PSMC1: variants seen among roughly 807,000 people sequenced by gnomAD.
PSMC1 encodes the protein 26S proteasome regulatory subunit 4.
A neutral mutation model predicts 49.8 loss-of-function variants in PSMC1; 5 were observed. The ratio of observed to expected loss-of-function variants is 0.10; its 90% CI spans 0.05 to 0.21. The LOEUF (loss-of-function observed/expected upper bound fraction) is 0.21. Ranked by LOEUF, PSMC1 falls within the 10% of genes least tolerant of loss-of-function variation. PSMC1 has a pLI of 1.00. For synonymous variants in PSMC1, 155 were observed against 192.1 expected (o/e 0.81, Z 1.60); for missense variants, 181 against 535.7 (o/e 0.34, Z 6.54).
chr14:90,261,337 C>G (rs887941002), intron 3 of PSMC1, among the ~76,000 whole-genome samples: 4 of 152,176 alleles, frequency 2.6e-5, no homozygotes, highest in Non-Finnish European at 5.9e-5. Context: ...AGAAGAAATA[C>G]TTAAACTACT....
rs1230553438 is a variant in PSMC1, at chr14:90,272,213, AT to A, written c.1189-58del. 9 of 1,582,834 alleles carry A rather than the reference AT, an allele frequency of 5.7e-6. No homozygotes were observed. Among genetic ancestry groups the A allele is most frequent in the Non-Finnish European group, 7.7e-6 (9 of 1,168,788 alleles). ...CTGGCCTCAGAATAGGTTTTTTGGA[AT>A]TCCTTGTTAGAATAAAAATGAGTAT... On this transcript the variant is annotated intron_variant, in intron 10 of 10. Transcript: ENST00000261303. This position sits in a 1 kb window ranked among gnomAD's most constrained non-coding sequence, Gnocchi z 4.5.
chr14:90,264,466 T>A (rs957760991), intron 6 of PSMC1, among the ~76,000 whole-genome samples: 4 of 152,248 alleles, frequency 2.6e-5, no homozygotes, highest in African/African-American at 9.6e-5. Flanking sequence ...CAGTTGTGTT[T>A]ATCTGGAAGC....
chr14:90,272,575 G>T lies in PSMC1; in HGVS notation c.*168G>T, dbSNP rs984547396. ...GTAAGTGCCCATTGGGTGGCCTGTTGGTCACTGTGCAGCAGTCTGCTTCCC... is the reference window on the plus strand; with the variant it reads ...GTAAGTGCCCATTGGGTGGCCTGTTTGTCACTGTGCAGCAGTCTGCTTCCC... On this transcript the variant is annotated 3_prime_UTR_variant, in exon 11 of 11. Transcript: ENST00000261303. The surrounding 1 kb of genome is among the most constrained non-coding windows in gnomAD (Gnocchi z 4.5). The T allele has an allele frequency of 3.7e-5, 21 of 567,322 alleles. No homozygotes were observed. The South Asian group carries it at 4.7e-4, about 13-fold the overall frequency. 35.1% of individuals were successfully genotyped at this position (567,322 alleles called of 1,614,324 possible).
chr14:90,267,885 C>A, intron 7 of PSMC1: 2 of 200,572 alleles, frequency 1.0e-5, no homozygotes, highest in Non-Finnish European at 2.0e-5. Context: ...TATTTCATTA[C>A]TGGAATGAAG....
intron 2 of PSMC1, 106 bp downstream of exon 2, chr14:90,259,319 A>T: frequency 9.4e-7 from 1 of 1,065,298 alleles, no homozygotes; most frequent in Admixed American, 2.2e-5. Flanking sequence ...AAGTAGAATG[A>T]TCCAGTAGTT....
Position 90,274,363 on chromosome 14 carries a change from G to GGGA in PSMC1, c.*1959_*1961dup, listed in dbSNP as rs944831438. 13 of 155,436 alleles carry GGGA rather than the reference G, an allele frequency of 8.4e-5. No homozygotes were observed. Among genetic ancestry groups the GGGA allele is most frequent in the Middle Eastern group, 1.1e-3 (2 of 1,838 alleles). 9.6% of individuals were successfully genotyped at this position (155,436 alleles called of 1,614,324 possible). A position where few individuals can be genotyped will look rare whatever the true frequency, so the allele number is the denominator to read the frequency against. Reference sequence around the variant, plus strand: ...GCAGGGACGGGGTGGTGGCAGGGGAGGGAGGCTGCTTATGTATGGAGGCAG... The same window carrying GGGA: ...GCAGGGACGGGGTGGTGGCAGGGGAGGGAGGAGGCTGCTTATGTATGGAGGCAG... On this transcript the variant is annotated 3_prime_UTR_variant, in exon 11 of 11. Coordinates refer to ENST00000261303, the MANE Select transcript of PSMC1 (RefSeq NM_002802.3).
chr14:90,261,745 G>A lies in PSMC1; in HGVS notation c.154+1534G>A, dbSNP rs1023240437. Among the ~76,000 whole-genome samples the A allele has an allele frequency of 4.0e-5, 6 of 151,856 alleles. No homozygotes were observed. In the East Asian group the frequency reaches 1.2e-3, roughly 29 times the overall value. ...CAACCATTGTGGAAGACAGTGTGGC[G>A]ATTCCTCAAGGATCTAGAACTAGAA... is the stretch of plus-strand genomic sequence containing the variant. On this transcript the variant is annotated intron_variant, in intron 3 of 10. Transcript: ENST00000261303.
chr14:90,259,789 T>C (rs933808778), intron 2 of PSMC1, among the ~76,000 whole-genome samples: 1 of 151,846 alleles, frequency 6.6e-6, no homozygotes, highest in Non-Finnish European at 1.5e-5. Context: ...ACCCGGCTAA[T>C]TTTTGTATTT....
At chr14:90,265,688 C>CAAAAAAAAAA (rs35151204) in intron 7 of PSMC1, among the ~76,000 whole-genome samples, 24 of 94,106 alleles carry the variant, frequency 2.6e-4, no homozygotes, top group African/African-American at 1.1e-3. Context: ...GACTACATCT[C>CAAAAAAAAAA]AAAAAAAAAA....
intron 3 of PSMC1, among the ~76,000 whole-genome samples, chr14:90,263,029 T>G (rs1276032496): frequency 6.6e-6 from 1 of 152,212 alleles, no homozygotes; most frequent in Non-Finnish European, 1.5e-5. Context: ...CCCAGGTATC[T>G]GATGGGTCAG....
chr14:90,271,152 T>C (rs969336786), intron 10 of PSMC1: 5 of 152,266 alleles, frequency 3.3e-5, no homozygotes, highest in African/African-American at 1.2e-4. Flanking sequence ...ACATTTTACC[T>C]GTTTGCTTTT....
intron 9 of PSMC1, 71 bp downstream of exon 9, chr14:90,269,619 G>C (rs762715068): frequency 3.3e-6 from 5 of 1,522,460 alleles, no homozygotes; most frequent in Non-Finnish European, 4.5e-6. Context: ...TGCTTTGGGA[G>C]GCCTATAAAA....
chr14:90,268,136 T>C (rs775935399), intron 7 of PSMC1, 88 bp from the exon 8 acceptor site: 33 of 1,114,380 alleles, frequency 3.0e-5, no homozygotes, highest in Non-Finnish European at 3.8e-5. Flanking sequence ...GTTTTTGGTG[T>C]CCATTTAAGG....
chr14:90,267,153 G>A (rs1188182487), intron 7 of PSMC1, among the ~76,000 whole-genome samples: 2 of 148,856 alleles, frequency 1.3e-5, no homozygotes, highest in East Asian at 2.0e-4. Context: ...TTTTTGAGAC[G>A]GAGTCTTGCT....
In PSMC1 at chr14:90,274,833, CACACA is replaced by C. The variant is rs781472370; in HGVS notation, c.*2427_*2431del. 10,527 of 91,070 alleles carry C rather than the reference CACACA, an allele frequency of 0.12. 551 individuals are homozygous for C. The highest frequency in any genetic ancestry group is 0.23 in the Middle Eastern group (40 of 174). 5.6% of individuals were successfully genotyped at this position (91,070 alleles called of 1,614,324 possible). ...ACACACACACACACACACACACACA[CACACA>C]CCCCAATACATATGAATTGATCTGA... On this transcript the variant is annotated 3_prime_UTR_variant, in exon 11 of 11. Coordinates refer to ENST00000261303, the MANE Select transcript of PSMC1 (RefSeq NM_002802.3).
rs1491397403 is a variant in PSMC1, at chr14:90,274,838, A to ACACACACACACAC, written c.*2432_*2433insACACACACACACC. 2 of 67,186 alleles carry ACACACACACACAC rather than the reference A, an allele frequency of 3.0e-5. No homozygotes were observed. The highest frequency in any genetic ancestry group is 6.7e-4 in the East Asian group (2 of 2,966). 4.2% of individuals were successfully genotyped at this position (67,186 alleles called of 1,614,324 possible). On this transcript the variant is annotated 3_prime_UTR_variant, in exon 11 of 11. Coordinates refer to ENST00000261303, the MANE Select transcript of PSMC1 (RefSeq NM_002802.3). ...CACACACACACACACACACACACAC[A>ACACACACACACAC]CCCCAATACATATGAATTGATCTGA...
At position 90,275,287 on chromosome 14, in the gene PSMC1, A is replaced by G. The variant is rs1891778789; in HGVS notation, c.*2880A>G. On this transcript the variant is annotated 3_prime_UTR_variant, in exon 11 of 11. Transcript: ENST00000261303. ...AGGACCTGCTAGGAGTACTGCGTCC[A>G]TGCTGACTTCCTGTTCAGTGTCTGT... 6.6e-6 allele frequency: 1 copy of G among 152,096 alleles called. No individual in the cohort carries two copies. Among genetic ancestry groups the G allele is most frequent in the Non-Finnish European group, 1.5e-5 (1 of 68,048 alleles). The allele number at this position is 152,096 out of a possible 1,614,324, so 9.4% of individuals were successfully genotyped here.
chr14:90,259,429 TTG>T (rs1436025798), intron 2 of PSMC1, among the ~76,000 whole-genome samples: 3 of 152,314 alleles, frequency 2.0e-5, no homozygotes, highest in Non-Finnish European at 4.4e-5. Context: ...AGTTATTTAT[TTG>T]TGTAAAAGCA....
In PSMC1 at chr14:90,274,822, A is replaced by ACACACACACACACACAC. The variant is rs1891763549; in HGVS notation, c.*2417_*2433dup. ...CACACACACACACACACACACACAC[A>ACACACACACACACACAC]CACACACACACACACACCCCAATAC... is the stretch of plus-strand genomic sequence containing the variant. On this transcript the variant is annotated 3_prime_UTR_variant, in exon 11 of 11. Coordinates refer to ENST00000261303, the MANE Select transcript of PSMC1 (RefSeq NM_002802.3). The ACACACACACACACACAC allele has an allele frequency of 8.6e-6, 1 of 116,404 alleles. No homozygotes were observed. Among genetic ancestry groups the ACACACACACACACACAC allele is most frequent in the African/African-American group, 3.9e-5 (1 of 25,762 alleles). 7.2% of individuals were successfully genotyped at this position (116,404 alleles called of 1,614,324 possible).
Sources: allele counts gnomAD v4.1 joint callset (sites outside exome capture counted in the v4.1 genomes callset), GRCh38; gene constraint gnomAD v4.1.1; non-coding constraint Gnocchi (gnomAD v3.1); transcripts MANE v1.5; gene names NCBI Gene and HGNC (gene_info 2026-07-23, HGNC 2026-07-21).